The following GPHN variants were observed in gnomAD, a reference collection of about 807,000 sequenced individuals.
GPHN encodes gephyrin.
GPHN carries 17 observed loss-of-function variants against 95.5 expected under a neutral mutation model. That is an observed-to-expected ratio of 0.18 (90% confidence interval 0.12 to 0.27). The LOEUF (loss-of-function observed/expected upper bound fraction) is 0.27, where lower values mean the gene tolerates loss of function less well. Ranked by LOEUF, GPHN falls within the 10% of genes least tolerant of loss-of-function variation. GPHN has a pLI of 1.00. For synonymous variants in GPHN, 320 were observed against 322.5 expected, an observed-to-expected ratio of 0.99 and a Z score of 0.08; for missense variants, 660 against 978.1, an observed-to-expected ratio of 0.67 and a Z score of 4.34.
chr14:67,398,025 C>T, the GPHN span: 1 of 403,886 alleles, frequency 2.5e-6, no homozygotes, highest in Non-Finnish European at 4.4e-6. Context: ...TCCTATTTGG[C>T]CATTTCTCTG....
At chr14:67,404,433 G>C in the GPHN span, among the ~76,000 whole-genome samples, 293 of 152,026 alleles carry the variant, frequency 1.9e-3, 2 homozygotes, top group African/African-American at 6.9e-3. Flanking sequence ...GTCCAGCCTG[G>C]GCAACATAGT....
the GPHN span, chr14:67,317,002 G>A: frequency 2.2e-6 from 2 of 912,598 alleles, no homozygotes; most frequent in Non-Finnish European, 1.7e-6. Flanking sequence ...AGTACTCAGG[G>A]AAAGAGTGAT....
At chr14:66,607,772 A>G (rs527705737) in intron 1 of GPHN, among the ~76,000 whole-genome samples, 11 of 151,650 alleles carry the variant, frequency 7.3e-5, no homozygotes, top group African/African-American at 2.7e-4. Flanking sequence ...TAGATTTCTT[A>G]TTTGTGTTCA....
At chr14:66,947,304 T>A (rs2067817686) in intron 8 of GPHN, among the ~76,000 whole-genome samples, 1 of 152,210 alleles carries the variant, frequency 6.6e-6, no homozygotes, top group African/African-American at 2.4e-5. Flanking sequence ...AGGAATTCTG[T>A]GATCCACACT....
intron 1 of GPHN, among the ~76,000 whole-genome samples, chr14:66,649,472 C>T (rs1245218513): frequency 6.6e-6 from 1 of 152,180 alleles, no homozygotes; most frequent in African/African-American, 2.4e-5. Flanking sequence ...TCTGTATTTA[C>T]AGCCACTCCC....
the GPHN span, among the ~76,000 whole-genome samples, chr14:67,525,539 G>A: frequency 6.6e-6 from 1 of 152,286 alleles, no homozygotes; most frequent in South Asian, 2.1e-4. Flanking sequence ...CATAAATTGT[G>A]AGAAATAGTC....
At chr14:66,652,713 C>T (rs2065104748) in intron 1 of GPHN, among the ~76,000 whole-genome samples, 6 of 152,044 alleles carry the variant, frequency 3.9e-5, no homozygotes, top group Admixed American at 2.6e-4. Context: ...CAAAGCAATT[C>T]GGTGGGGCAA....
the GPHN span, among the ~76,000 whole-genome samples, chr14:67,501,118 A>C: frequency 1.2e-4 from 18 of 151,382 alleles, no homozygotes; most frequent in African/African-American, 3.6e-4. Context: ...GCTGCTCTGC[A>C]TGAGCTAACT....
the GPHN span, among the ~76,000 whole-genome samples, chr14:67,278,063 G>A: frequency 6.8e-6 from 1 of 147,306 alleles, no homozygotes; most frequent in African/African-American, 2.5e-5. Flanking sequence ...TTGAGATGGA[G>A]TCTCGCTCTG....
chr14:66,816,034 A>T (rs1331390048), intron 3 of GPHN, among the ~76,000 whole-genome samples: 1 of 152,228 alleles, frequency 6.6e-6, no homozygotes, highest in Non-Finnish European at 1.5e-5. Context: ...AACAGACTTT[A>T]AACCAACAAA....
chr14:67,415,095 C>T, the GPHN span, among the ~76,000 whole-genome samples: 6 of 152,320 alleles, frequency 3.9e-5, no homozygotes, highest in Non-Finnish European at 8.8e-5. Flanking sequence ...TTCAAAAAAT[C>T]CTTCTACATT....
At chr14:66,809,083 G>A (rs1193199729) in intron 3 of GPHN, among the ~76,000 whole-genome samples, 5 of 152,144 alleles carry the variant, frequency 3.3e-5, no homozygotes, top group Admixed American at 6.6e-5. Flanking sequence ...TTGGTCGGGG[G>A]CATAGTTTCT....
At chr14:66,687,488 T>G (rs1412310993) in intron 2 of GPHN, among the ~76,000 whole-genome samples, 2 of 137,686 alleles carry the variant, frequency 1.5e-5, no homozygotes, top group Non-Finnish European at 3.1e-5. Context: ...TTTATTTGGT[T>G]TTTTTTTTTT....
At chr14:67,558,380 T>C in the GPHN span, among the ~76,000 whole-genome samples, 3 of 152,186 alleles carry the variant, frequency 2.0e-5, no homozygotes, top group Non-Finnish European at 2.9e-5. Flanking sequence ...ATTAACCCAA[T>C]AGGCCCTTAA....
chr14:66,856,673 T>C (rs1038361435), intron 4 of GPHN, among the ~76,000 whole-genome samples: 2 of 152,078 alleles, frequency 1.3e-5, no homozygotes, highest in African/African-American at 4.8e-5. Flanking sequence ...AAGGAGACTA[T>C]AGACCTAATC....
chr14:67,395,433 A>T, the GPHN span: 42 of 1,613,902 alleles, frequency 2.6e-5, 1 homozygote, highest in Non-Finnish European at 3.4e-5. Context: ...AGCTTGAAGG[A>T]GTTTCTCAGG....
chr14:67,455,557 A>G, the GPHN span, among the ~76,000 whole-genome samples: 1 of 152,226 alleles, frequency 6.6e-6, no homozygotes, highest in East Asian at 1.9e-4. Flanking sequence ...CCTATGGATC[A>G]AAAACAGGAT....
chr14:66,564,715 C>T (rs375720437), intron 1 of GPHN, among the ~76,000 whole-genome samples: 1 of 152,120 alleles, frequency 6.6e-6, no homozygotes, highest in South Asian at 2.1e-4. Context: ...GGTTCCAGGT[C>T]ACTGTGAGGT....
the GPHN span, among the ~76,000 whole-genome samples, chr14:67,303,852 A>G: frequency 6.6e-6 from 1 of 151,824 alleles, no homozygotes; most frequent in South Asian, 2.1e-4. Context: ...ACTGCAACCT[A>G]TGCCTTCCAG....
Sources: allele counts gnomAD v4.1 joint callset (sites outside exome capture counted in the v4.1 genomes callset), GRCh38; gene constraint gnomAD v4.1.1; transcripts MANE v1.5; gene names NCBI Gene and HGNC (gene_info 2026-07-23, HGNC 2026-07-21).